The following MSRA variants were observed in gnomAD, a reference collection of about 807,000 sequenced individuals.
MSRA encodes the protein mitochondrial peptide methionine sulfoxide reductase.
In MSRA, 54 loss-of-function variants were observed where a neutral mutation model predicts 31.3. The observed-to-expected ratio is 1.73, with a 90% CI of 1.39 to 2.17. MSRA has a LOEUF of 2.17. Ranked by LOEUF, MSRA falls within the 30% of genes most tolerant of loss-of-function variation. MSRA has a pLI of 0.00. For synonymous variants in MSRA, 169 were observed against 116.5 expected, an observed-to-expected ratio of 1.45 and a Z score of -2.90; for missense variants, 507 against 300.9, an observed-to-expected ratio of 1.69 and a Z score of -5.07.
intron 2 of MSRA, among the ~76,000 whole-genome samples, chr8:10,236,917 A>G (rs1216138200): frequency 6.6e-6 from 1 of 152,236 alleles, no homozygotes; most frequent in African/African-American, 2.4e-5. Context: ...GAAGACTTGA[A>G]TAAGTGGAGA....
chr8:10,120,807 G>T (rs1330462479), intron 1 of MSRA, among the ~76,000 whole-genome samples: 1 of 152,174 alleles, frequency 6.6e-6, no homozygotes, highest in Non-Finnish European at 1.5e-5. Context: ...TGTGGCTGCT[G>T]GGCTGGCTAG....
chr8:10,397,514 G>C (rs1360120739), intron 5 of MSRA, among the ~76,000 whole-genome samples: 7 of 152,216 alleles, frequency 4.6e-5, no homozygotes, highest in African/African-American at 7.2e-5. Flanking sequence ...TTCTTTGGGA[G>C]TGTTCACTGG....
chr8:10,208,002 C>G (rs907160950), intron 2 of MSRA, 101 bp downstream of exon 2: 2 of 835,942 alleles, frequency 2.4e-6, no homozygotes, highest in East Asian at 2.7e-5. Flanking sequence ...AATCTGGGCT[C>G]TTCTAGATAT....
At position 10,319,925 on chromosome 8, in the gene MSRA, C is replaced by G. The variant is rs1455308448; in HGVS notation, c.479C>G (p.Ala160Gly). 1 of 1,599,758 alleles carries G rather than the reference C, an allele frequency of 6.3e-7. No homozygotes were observed. The highest frequency in any genetic ancestry group is 1.1e-5 in the South Asian group (1 of 87,040). ...GACCATGGCACTCAGTACCGCTCGG[C>G]CATCTACCCGACCTCTGCCAAGCAA... ...GNDHGTQYRSAIYPTSAKQME... is the reference protein window; with the variant it reads ...GNDHGTQYRSGIYPTSAKQME... Residue 160 changes from alanine to glycine, a missense_variant, in exon 5 of 6, where the codon GCC becomes GGC. Ala to Gly is a moderately conservative substitution (Grantham distance 60). Coordinates refer to ENST00000317173, the MANE Select transcript of MSRA (RefSeq NM_012331.5).
At chr8:10,356,901 A>C (rs1425834340) in intron 5 of MSRA, among the ~76,000 whole-genome samples, 1 of 131,272 alleles carries the variant, frequency 7.6e-6, no homozygotes, top group Admixed American at 8.0e-5. Flanking sequence ...AAAAAAAAAA[A>C]AAAAAAAAAT....
chr8:10,356,593 G>A (rs1017003960), intron 5 of MSRA, among the ~76,000 whole-genome samples: 2 of 152,226 alleles, frequency 1.3e-5, no homozygotes, highest in Non-Finnish European at 2.9e-5. Context: ...AGTAGGTGAT[G>A]ATGATGACCT....
At chr8:10,422,111 T>G (rs1808850152) in intron 5 of MSRA, among the ~76,000 whole-genome samples, 1 of 152,178 alleles carries the variant, frequency 6.6e-6, no homozygotes, top group South Asian at 2.1e-4. Flanking sequence ...AGGGAGACAC[T>G]GTCTCTATAA....
chr8:10,306,743 C>T (rs1042194020), intron 4 of MSRA, among the ~76,000 whole-genome samples: 1 of 152,170 alleles, frequency 6.6e-6, no homozygotes, highest in African/African-American at 2.4e-5. Context: ...CCTCCTAGTC[C>T]TGCGTGGGAC....
chr8:10,151,602 A>G (rs1224739760), intron 1 of MSRA, among the ~76,000 whole-genome samples: 1 of 152,192 alleles, frequency 6.6e-6, no homozygotes, highest in Non-Finnish European at 1.5e-5. Flanking sequence ...GTGAGCCCAG[A>G]TCGCGCCACT....
intron 2 of MSRA, among the ~76,000 whole-genome samples, chr8:10,241,392 A>G (rs12156387): frequency 0.29 from 43,745 of 152,068 alleles, 8,151 homozygotes; most frequent in Non-Finnish European, 0.43. Flanking sequence ...CTTACATGAG[A>G]GCAGTCATTG....
intron 2 of MSRA, among the ~76,000 whole-genome samples, chr8:10,227,811 T>C (rs1433355659): frequency 1.3e-5 from 2 of 152,240 alleles, no homozygotes; most frequent in Admixed American, 6.5e-5. Flanking sequence ...ATGGTTTCTT[T>C]TATTAGCAGA....
chr8:10,202,144 TTAGG>T (rs1808556910), intron 1 of MSRA, among the ~76,000 whole-genome samples: 1 of 152,262 alleles, frequency 6.6e-6, no homozygotes, highest in Non-Finnish European at 1.5e-5. Flanking sequence ...AAATGGTGGG[TTAGG>T]TTCCCAGGTT....
rs79433923 is a variant in MSRA at position 10,079,593 on chromosome 8, A to C, written c.142+24935A>C. Among the ~76,000 whole-genome samples the C allele has an allele frequency of 2.0e-5, 3 of 152,342 alleles. No homozygotes were observed. In the East Asian group the frequency reaches 5.8e-4, roughly 29 times the overall value. ...AAAACTGACTGGTCTTAAGTGTCACATCATGAAGCTTTGGATCTCTTTCCT... is the reference window on the plus strand; with the variant it reads ...AAAACTGACTGGTCTTAAGTGTCACCTCATGAAGCTTTGGATCTCTTTCCT... On this transcript the variant is annotated intron_variant, in intron 1 of 5. Transcript: ENST00000317173.
chr8:10,303,759 GC>G (rs1160464809), intron 4 of MSRA, among the ~76,000 whole-genome samples: 2 of 152,138 alleles, frequency 1.3e-5, no homozygotes, highest in African/African-American at 4.8e-5. Flanking sequence ...TAAGGGTAGG[GC>G]GAGAGATCCT....
At chr8:10,400,684 T>C (rs2129183762) in intron 5 of MSRA, among the ~76,000 whole-genome samples, 1 of 152,160 alleles carries the variant, frequency 6.6e-6, no homozygotes, top group Non-Finnish European at 1.5e-5. Flanking sequence ...ATGGGTAGTG[T>C]TAGACAGGAA....
chr8:10,114,898 C>G (rs957775087), intron 1 of MSRA, among the ~76,000 whole-genome samples: 3 of 152,118 alleles, frequency 2.0e-5, no homozygotes, highest in Non-Finnish European at 4.4e-5. Flanking sequence ...TGATTAAGTT[C>G]AACTGGAATG....
chr8:10,269,673 C>T (rs569835323), intron 3 of MSRA, among the ~76,000 whole-genome samples: 6 of 151,952 alleles, frequency 3.9e-5, no homozygotes, highest in South Asian at 4.2e-4. Context: ...TTTTTTGAGA[C>T]AGAGTCTGGC....
chr8:10,308,011 C>T (rs953078872), intron 4 of MSRA, among the ~76,000 whole-genome samples: 2 of 152,196 alleles, frequency 1.3e-5, no homozygotes, highest in Non-Finnish European at 2.9e-5. Flanking sequence ...CACTTCCTCC[C>T]TTCCCACAAG....
At chr8:10,263,061 G>A (rs561091120) in intron 3 of MSRA, among the ~76,000 whole-genome samples, 4 of 152,328 alleles carry the variant, frequency 2.6e-5, no homozygotes, top group Admixed American at 6.5e-5. Context: ...TACCGGCTTG[G>A]CCTTTGCCAG....
Sources: allele counts gnomAD v4.1 joint callset (sites outside exome capture counted in the v4.1 genomes callset), GRCh38; gene constraint gnomAD v4.1.1; transcripts MANE v1.5; gene names NCBI Gene and HGNC (gene_info 2026-07-23, HGNC 2026-07-21).